Variants in PPA2 observed in about 807,000 individuals in gnomAD.
PPA2 encodes the protein inorganic pyrophosphatase 2, mitochondrial.
In PPA2, 48 loss-of-function variants were observed where a neutral mutation model predicts 49.5. That is an observed-to-expected ratio of 0.97 (90% CI 0.77 to 1.23). The LOEUF is 1.23. Ranked by LOEUF, PPA2 falls within the 50% of genes most tolerant of loss-of-function variation. PPA2 has a pLI of 0.00. For synonymous variants in PPA2, 131 were observed against 139.9 expected (o/e 0.94, Z 0.45); for missense variants, 429 against 410.1 (o/e 1.05, Z -0.40).
At chr4:105,453,521 A>G in intron 3 of PPA2, 77 bp downstream of exon 3, 1 of 1,133,306 alleles carries the variant, frequency 8.8e-7, no homozygotes, top group South Asian at 1.9e-5. Context: ...GAATCATTTT[A>G]CAAATGCAAA....
intron 1 of PPA2, among the ~76,000 whole-genome samples, chr4:105,465,900 CAT>C (rs1264249536): frequency 8.5e-5 from 13 of 152,270 alleles, no homozygotes; most frequent in African/African-American, 2.2e-4. Flanking sequence ...TTCTGAAACC[CAT>C]ATGAGTCAAA....
At chr4:105,459,559 A>C (rs1723002878) in intron 1 of PPA2, among the ~76,000 whole-genome samples, 1 of 152,234 alleles carries the variant, frequency 6.6e-6, no homozygotes, top group Admixed American at 6.5e-5. Context: ...CAGAAATCCC[A>C]CTAAGTATTT....
chr4:105,378,396 C>T (rs768005568), intron 10 of PPA2, among the ~76,000 whole-genome samples: 12 of 152,024 alleles, frequency 7.9e-5, no homozygotes, highest in Non-Finnish European at 1.3e-4. Flanking sequence ...TTGGGTCATC[C>T]ATCCATTTAC....
At chr4:105,396,484 T>C in intron 8 of PPA2, 150 bp from the exon 9 acceptor site, 1 of 536,282 alleles carries the variant, frequency 1.9e-6, no homozygotes, top group Non-Finnish European at 3.2e-6. Flanking sequence ...GGCTTCCTTA[T>C]TTGTCAGCTG....
chr4:105,384,742 C>A (rs1733616192), intron 10 of PPA2, among the ~76,000 whole-genome samples: 1 of 152,186 alleles, frequency 6.6e-6, no homozygotes, highest in African/African-American at 2.4e-5. Flanking sequence ...CTTCTCTAAT[C>A]TAATTATGGC....
At chr4:105,394,396 A>AG (rs1553924728) in intron 9 of PPA2, among the ~76,000 whole-genome samples, 1,538 of 66,000 alleles carry the variant, frequency 0.023, 12 homozygotes, top group Non-Finnish European at 0.052. Context: ...AAAAAGAAAG[A>AG]AAAAAAAAGA....
intron 1 of PPA2, 179 bp downstream of exon 1, chr4:105,473,715 T>C: frequency 1.0e-6 from 1 of 979,188 alleles, no homozygotes; most frequent in East Asian, 2.4e-5. Context: ...TCGCTGGCAG[T>C]TCTCGTGACT....
intron 7 of PPA2, among the ~76,000 whole-genome samples, chr4:105,419,131 G>A (rs1293697995): frequency 6.9e-6 from 1 of 144,974 alleles, no homozygotes; most frequent in Non-Finnish European, 1.5e-5. Flanking sequence ...TGGTCTTAGT[G>A]CTCTGTTTTT....
At chr4:105,401,486 G>T (rs1722186775) in intron 7 of PPA2, among the ~76,000 whole-genome samples, 1 of 152,056 alleles carries the variant, frequency 6.6e-6, no homozygotes, top group South Asian at 2.1e-4. Context: ...GCATTTTTAA[G>T]TGTATAATTC....
At chr4:105,469,268 A>G (rs1723428822) in intron 1 of PPA2, among the ~76,000 whole-genome samples, 1 of 152,188 alleles carries the variant, frequency 6.6e-6, no homozygotes. Flanking sequence ...AGGCCCATCA[A>G]TCTACACGAT....
intron 10 of PPA2, among the ~76,000 whole-genome samples, chr4:105,380,909 A>C (rs527620911): frequency 2.6e-5 from 4 of 152,116 alleles, no homozygotes; most frequent in African/African-American, 4.8e-5. Flanking sequence ...ATGTGTACCT[A>C]GAAGGGTAAT....
At chr4:105,405,173 GTTATT>G (rs1312461308) in intron 7 of PPA2, 1 of 653,122 alleles carries the variant, frequency 1.5e-6, no homozygotes, top group Non-Finnish European at 1.9e-6. Flanking sequence ...AATATTGACA[GTTATT>G]TTAATTTGTA....
chr4:105,382,704 A>G (rs897640333), intron 10 of PPA2, among the ~76,000 whole-genome samples: 1 of 152,132 alleles, frequency 6.6e-6, no homozygotes, highest in African/African-American at 2.4e-5. Context: ...AAAACTTTAC[A>G]AAAAGAAATG....
intron 3 of PPA2, among the ~76,000 whole-genome samples, chr4:105,452,722 C>T (rs1722722293): frequency 6.6e-6 from 1 of 152,096 alleles, no homozygotes; most frequent in Non-Finnish European, 1.5e-5. Context: ...GACAGGAAAG[C>T]AGCAGGAAAA....
chr4:105,466,324 G>A (rs1186975000), intron 1 of PPA2, among the ~76,000 whole-genome samples: 1 of 151,438 alleles, frequency 6.6e-6, no homozygotes, highest in African/African-American at 2.4e-5. Context: ...ACTAAGCATG[G>A]TTCTAGATAC....
chr4:105,396,654 C>T (rs2636707), intron 8 of PPA2, among the ~76,000 whole-genome samples: 64,396 of 152,008 alleles, frequency 0.42, 14,264 homozygotes, highest in East Asian at 0.68. Flanking sequence ...GTCACATTTG[C>T]TTGTGTTTGG....
intron 6 of PPA2, among the ~76,000 whole-genome samples, chr4:105,435,434 GCA>G (rs1724006246): frequency 6.6e-6 from 1 of 152,016 alleles, no homozygotes; most frequent in Non-Finnish European, 1.5e-5. Flanking sequence ...TATCACCAAG[GCA>G]CACAGTCATC....
chr4:105,443,469 G>A (rs577248291), intron 5 of PPA2, among the ~76,000 whole-genome samples: 4 of 149,240 alleles, frequency 2.7e-5, no homozygotes, highest in African/African-American at 9.9e-5. Flanking sequence ...AAAAAATCAG[G>A]TAGAGCTATT....
chr4:105,441,712 T>C (rs866002542), intron 5 of PPA2, among the ~76,000 whole-genome samples: 9 of 152,124 alleles, frequency 5.9e-5, no homozygotes, highest in African/African-American at 2.2e-4. Context: ...AACAGTATTA[T>C]AGAAAAGATG....
Sources: gnomAD v4.1 joint callset for allele counts (sites outside exome capture counted in the v4.1 genomes callset) on GRCh38, gnomAD v4.1.1 for gene constraint, MANE v1.5 for transcripts, NCBI Gene and HGNC (gene_info 2026-07-23, HGNC 2026-07-21) for gene names.